Variants in KLHL18 observed in about 807,000 individuals in gnomAD.
KLHL18 encodes kelch like family member 18.
KLHL18 carries 38 observed loss-of-function variants against 58.5 expected under a neutral mutation model. The ratio of observed to expected loss-of-function variants is 0.65; its 90% CI spans 0.50 to 0.85. KLHL18 has a LOEUF of 0.85. Ranked by LOEUF, KLHL18 falls within the 40% of genes least tolerant of loss-of-function variation. The probability of loss-of-function intolerance (pLI) is 0.00; values close to 1 mark genes in which losing one functional copy is unlikely to be tolerated. For synonymous variants in KLHL18, 303 were observed against 301.9 expected (o/e 1.00, Z -0.04); for missense variants, 624 against 778.4 (o/e 0.80, Z 2.36).
At chr3:47,308,713 A>G (rs1212628887) in intron 1 of KLHL18, among the ~76,000 whole-genome samples, 1 of 150,680 alleles carries the variant, frequency 6.6e-6, no homozygotes, top group Admixed American at 6.6e-5. Context: ...TTCAACCCTT[A>G]TCTCCCTCCT....
chr3:47,303,876 C>T (rs926208560), intron 1 of KLHL18, among the ~76,000 whole-genome samples: 1 of 147,838 alleles, frequency 6.8e-6, no homozygotes, highest in Admixed American at 6.8e-5. Flanking sequence ...GCACATGCCA[C>T]TATGCCCAAC....
intron 1 of KLHL18, among the ~76,000 whole-genome samples, chr3:47,286,367 C>G (rs1702677369): frequency 6.6e-6 from 1 of 152,214 alleles, no homozygotes; most frequent in African/African-American, 2.4e-5. Context: ...CCTGGGAAAT[C>G]TATTTTGTCT....
Position 47,283,008 on chromosome 3 carries a change from T to G in KLHL18, c.43T>G (p.Phe15Val). The part of the protein sequence containing the change: ...GAEELEDLVH[F>V]SVSELPSRGY... ...GGAGGAGCTGGAGGATCTGGTGCAC[T>G]TCTCCGTGTCTGAGTTGCCTAGTCG... The change falls in exon 1 of 10, where the codon TTC becomes GTC. Residue 15 changes from phenylalanine (F) to valine (V), a missense_variant. Transcript: ENST00000232766. 6.2e-7 allele frequency: 1 copy of G among 1,610,778 alleles called. No homozygotes were observed. Among genetic ancestry groups the G allele is most frequent in the South Asian group, 1.1e-5 (1 of 90,296 alleles).
intron 1 of KLHL18, among the ~76,000 whole-genome samples, chr3:47,304,067 A>G (rs1163139729): frequency 6.6e-6 from 1 of 152,160 alleles, no homozygotes; most frequent in Non-Finnish European, 1.5e-5. Context: ...TTTTCCTTAT[A>G]TCCCCTATCT....
intron 7 of KLHL18, among the ~76,000 whole-genome samples, chr3:47,339,907 G>C (rs537739122): frequency 4.6e-5 from 7 of 152,260 alleles, no homozygotes; most frequent in African/African-American, 1.7e-4. Context: ...AATTAGCTGG[G>C]TGTGGTGGTG....
At chr3:47,333,344 C>T in intron 5 of KLHL18, 27 bp downstream of exon 5, 1 of 1,605,292 alleles carries the variant, frequency 6.2e-7, no homozygotes, top group Non-Finnish European at 8.5e-7. Context: ...CTGCACAGGA[C>T]ACTGCCAAAG....
At chr3:47,320,355 T>C (rs1023180171) in intron 2 of KLHL18, among the ~76,000 whole-genome samples, 4 of 152,212 alleles carry the variant, frequency 2.6e-5, no homozygotes, top group Admixed American at 6.6e-5. Flanking sequence ...TAAAGTTAAA[T>C]AGTCACATGT....
intron 6 of KLHL18, among the ~76,000 whole-genome samples, chr3:47,335,771 G>C (rs920246988): frequency 6.6e-6 from 1 of 152,168 alleles, no homozygotes; most frequent in African/African-American, 2.4e-5. Flanking sequence ...GCCTCCCAAA[G>C]TGCTGGGATT....
chr3:47,336,281 T>C (rs1387146307), intron 6 of KLHL18, among the ~76,000 whole-genome samples: 1 of 152,132 alleles, frequency 6.6e-6, no homozygotes, highest in African/African-American at 2.4e-5. Flanking sequence ...TTTAAGCAGG[T>C]GGAGTACCTG....
Position 47,334,590 on chromosome 3 carries a change from T to C in KLHL18, c.762-93T>C, listed in dbSNP as rs1703941305. On this transcript the variant is annotated intron_variant, in intron 5 of 9. Transcript: ENST00000232766. This position sits in a 1 kb window ranked among gnomAD's most constrained non-coding sequence, Gnocchi z 4.7. ...AAGGCTTCTCCTCCCAGGTTTCCCC[T>C]GCAGTTGGCAGTGGAGAGCCAGGCT... is the stretch of plus-strand genomic sequence containing the variant. 1 of 1,460,076 alleles carries C rather than the reference T, an allele frequency of 6.8e-7. No homozygotes were observed. The highest frequency in any genetic ancestry group is 9.5e-7 in the Non-Finnish European group (1 of 1,056,054). 90.4% of individuals were successfully genotyped at this position (1,460,076 alleles called of 1,614,324 possible). A position where few individuals can be genotyped will look rare whatever the true frequency, so the allele number is the denominator to read the frequency against.
Position 47,345,951 on chromosome 3 carries a change from C to T in KLHL18, c.*2010C>T, listed in dbSNP as rs1431682205. On this transcript the variant is annotated 3_prime_UTR_variant, in exon 10 of 10. Coordinates refer to ENST00000232766, the MANE Select transcript of KLHL18 (RefSeq NM_025010.5). ...CAATCTGATATCGGATGTCGTTTAA[C>T]CTGGGCTCGTGGTAGGGCTCCAGCA... 6.6e-6 allele frequency: 1 copy of T among 152,392 alleles called. No homozygotes were observed. The highest frequency in any genetic ancestry group is 1.5e-5 in the Non-Finnish European group (1 of 67,960). The allele number at this position is 152,392 out of a possible 1,614,324, so 9.4% of individuals were successfully genotyped here. A position where few individuals can be genotyped will look rare whatever the true frequency, so the allele number is the denominator to read the frequency against.
At chr3:47,299,254 T>C (rs1167812861) in intron 1 of KLHL18, among the ~76,000 whole-genome samples, 2 of 152,220 alleles carry the variant, frequency 1.3e-5, no homozygotes, top group Non-Finnish European at 2.9e-5. Context: ...TAGATGTGAT[T>C]AACATTTAAA....
chr3:47,323,405 T>C (rs1051090266), intron 3 of KLHL18, among the ~76,000 whole-genome samples: 2 of 152,214 alleles, frequency 1.3e-5, no homozygotes, highest in African/African-American at 2.4e-5. Context: ...TTCCTTTTCA[T>C]ACTTCAGTTA....
intron 1 of KLHL18, among the ~76,000 whole-genome samples, chr3:47,319,353 C>T (rs1358498170): frequency 6.6e-5 from 10 of 152,156 alleles, no homozygotes; most frequent in Non-Finnish European, 1.3e-4. Flanking sequence ...TTGGAGACTA[C>T]CATATAAGTA....
intron 1 of KLHL18, among the ~76,000 whole-genome samples, chr3:47,288,164 T>C (rs1036068679): frequency 6.4e-4 from 86 of 134,378 alleles, no homozygotes; most frequent in African/African-American, 2.2e-3. Context: ...GAGGTTGCAG[T>C]GAGCCAAGAT....
intron 7 of KLHL18, chr3:47,337,616 T>G (rs151009336): frequency 1.3e-5 from 2 of 152,310 alleles, no homozygotes. Flanking sequence ...TTCCTTGATA[T>G]ATGCCTAATG....
chr3:47,332,414 A>G (rs188676147), intron 4 of KLHL18, among the ~76,000 whole-genome samples: 2 of 152,288 alleles, frequency 1.3e-5, no homozygotes, highest in Admixed American at 1.3e-4. Context: ...ATTAAAAGGT[A>G]TGATTTATTT....
At chr3:47,323,931 C>T (rs975177531) in intron 3 of KLHL18, among the ~76,000 whole-genome samples, 23 of 152,200 alleles carry the variant, frequency 1.5e-4, no homozygotes, top group African/African-American at 5.1e-4. Flanking sequence ...CCTGCCCACA[C>T]GGTGCTCATG....
At chr3:47,310,792 C>T (rs771033021) in intron 1 of KLHL18, among the ~76,000 whole-genome samples, 1 of 152,192 alleles carries the variant, frequency 6.6e-6, no homozygotes, top group Non-Finnish European at 1.5e-5. Flanking sequence ...CAGGTCACAG[C>T]AGTTCTAAGG....
Sources: allele counts gnomAD v4.1 joint callset (sites outside exome capture counted in the v4.1 genomes callset), GRCh38; gene constraint gnomAD v4.1.1; non-coding constraint Gnocchi (gnomAD v3.1); transcripts MANE v1.5; gene names NCBI Gene and HGNC (gene_info 2026-07-23, HGNC 2026-07-21).